Variants in SORCS2 observed in about 807,000 individuals in gnomAD.
The protein encoded by SORCS2 is sortilin related VPS10 domain containing receptor 2.
Under a neutral mutation model 141.6 loss-of-function variants are expected in SORCS2, and 100 were observed. The ratio of observed to expected loss-of-function variants is 0.71; its 90% CI spans 0.60 to 0.83. SORCS2 has a LOEUF of 0.83. Ranked by LOEUF, SORCS2 falls within the 40% of genes least tolerant of loss-of-function variation. The pLI, the probability that SORCS2 is intolerant of heterozygous loss-of-function variation, is 0.00. For synonymous variants in SORCS2, 789 were observed against 676.9 expected (o/e 1.17, Z -2.57); for missense variants, 1,646 against 1,560.2 (o/e 1.05, Z -0.93).
intron 1 of SORCS2, among the ~76,000 whole-genome samples, chr4:7,327,151 C>T (rs1719317892): frequency 6.6e-6 from 1 of 152,248 alleles, no homozygotes; most frequent in African/African-American, 2.4e-5. Context: ...CGCAACGTTC[C>T]ACCGAGCTGG....
At position 7,663,690 on chromosome 4, in the gene SORCS2, G is replaced by A. The variant is rs1045622375; in HGVS notation, c.953-663G>A. On this transcript the variant is annotated intron_variant, in intron 6 of 26. Transcript: ENST00000507866. This position sits in a 1 kb window ranked among gnomAD's most constrained non-coding sequence, Gnocchi z 4.8. Reference sequence around the variant, plus strand: ...CCTTAACCATTCTCCATGCTGCCGGGTCACCCAAGGCTGGGGGCAGGAGGA... The same window carrying A: ...CCTTAACCATTCTCCATGCTGCCGGATCACCCAAGGCTGGGGGCAGGAGGA... 3.9e-5 allele frequency among the ~76,000 whole-genome samples: 6 copies of A among 152,142 alleles called. No individual in the cohort carries two copies. Among genetic ancestry groups the A allele is most frequent in the African/African-American group, 1.4e-4 (6 of 41,430 alleles).
intron 1 of SORCS2, among the ~76,000 whole-genome samples, chr4:7,295,388 G>A (rs760288029): frequency 6.6e-6 from 1 of 151,794 alleles, no homozygotes; most frequent in Admixed American, 6.6e-5. Flanking sequence ...TCTGCCGGCC[G>A]GCCGGGTGCG....
chr4:7,626,414 G>A (rs571264362), intron 3 of SORCS2, among the ~76,000 whole-genome samples: 17 of 152,266 alleles, frequency 1.1e-4, no homozygotes, highest in Non-Finnish European at 1.5e-4. Context: ...ACTAGGCCAT[G>A]TGGTACAGAC....
intron 1 of SORCS2, among the ~76,000 whole-genome samples, chr4:7,354,249 G>A (rs1721117341): frequency 6.6e-6 from 1 of 152,170 alleles, no homozygotes; most frequent in Non-Finnish European, 1.5e-5. Flanking sequence ...TAGGAGGACA[G>A]GACACACTCA....
intron 3 of SORCS2, among the ~76,000 whole-genome samples, chr4:7,547,070 C>A (rs1208096878): frequency 6.6e-6 from 1 of 152,200 alleles, no homozygotes; most frequent in Non-Finnish European, 1.5e-5. Context: ...ACCACCCCAA[C>A]ACTGCAAATC....
intron 1 of SORCS2, among the ~76,000 whole-genome samples, chr4:7,391,753 T>A (rs1165579067): frequency 6.6e-6 from 1 of 152,124 alleles, no homozygotes; most frequent in African/African-American, 2.4e-5. Flanking sequence ...TTTCCTTATT[T>A]CTAAAATGAA....
chr4:7,207,571 G>A (rs919420508), intron 1 of SORCS2, among the ~76,000 whole-genome samples: 1 of 152,196 alleles, frequency 6.6e-6, no homozygotes, highest in African/African-American at 2.4e-5. Flanking sequence ...GGGCTGGCAG[G>A]ATCCCTCCTT....
chr4:7,660,209 C>T (rs1400686307), intron 5 of SORCS2, among the ~76,000 whole-genome samples: 2 of 152,214 alleles, frequency 1.3e-5, no homozygotes, highest in African/African-American at 4.8e-5. Flanking sequence ...TCTCCTCCTG[C>T]CCAGTTAAAG....
At chr4:7,341,844 G>T (rs1169575272) in intron 1 of SORCS2, among the ~76,000 whole-genome samples, 4 of 152,154 alleles carry the variant, frequency 2.6e-5, no homozygotes, top group South Asian at 2.1e-4. Context: ...GACCCATTAG[G>T]CACTTCCCAT....
chr4:7,656,371 C>A (rs751326301), intron 5 of SORCS2, among the ~76,000 whole-genome samples: 18 of 152,160 alleles, frequency 1.2e-4, no homozygotes, highest in Non-Finnish European at 2.5e-4. Context: ...CGCAGCCATC[C>A]TGCTTTGAAT....
intron 1 of SORCS2, among the ~76,000 whole-genome samples, chr4:7,248,245 G>T (rs1013727615): frequency 4.6e-5 from 7 of 152,218 alleles, no homozygotes; most frequent in Non-Finnish European, 1.0e-4. Context: ...CTGAGAGGCT[G>T]TGTGTGGAGG....
intron 3 of SORCS2, among the ~76,000 whole-genome samples, chr4:7,570,212 G>A (rs559164202): frequency 2.0e-5 from 3 of 152,178 alleles, no homozygotes; most frequent in African/African-American, 4.8e-5. Context: ...AACGCAGCCC[G>A]TCTGCTGTGG....
chr4:7,603,023 G>A (rs143324826), intron 3 of SORCS2, among the ~76,000 whole-genome samples: 2,623 of 152,332 alleles, frequency 0.017, 82 homozygotes, highest in African/African-American at 0.061. Context: ...GTCAGGCGTG[G>A]TGGTGTGCGC....
At chr4:7,722,426 G>C (rs540714582) in intron 18 of SORCS2, among the ~76,000 whole-genome samples, 4 of 152,120 alleles carry the variant, frequency 2.6e-5, no homozygotes, top group Admixed American at 1.3e-4. Flanking sequence ...CTCCTTCCTA[G>C]GGACCCCATA....
intron 1 of SORCS2, among the ~76,000 whole-genome samples, chr4:7,333,271 C>T (rs1719773042): frequency 6.6e-6 from 1 of 152,214 alleles, no homozygotes; most frequent in South Asian, 2.1e-4. Flanking sequence ...GCTTCCTCTG[C>T]CCCGGGGCTG....
At chr4:7,299,756 G>A (rs566158519) in intron 1 of SORCS2, among the ~76,000 whole-genome samples, 4 of 152,162 alleles carry the variant, frequency 2.6e-5, no homozygotes, top group South Asian at 4.1e-4. Flanking sequence ...CCTGGGGCCC[G>A]CTGCCTGCGG....
intron 2 of SORCS2, among the ~76,000 whole-genome samples, chr4:7,513,825 G>C (rs1357483245): frequency 6.6e-6 from 1 of 152,188 alleles, no homozygotes; most frequent in African/African-American, 2.4e-5. Context: ...GGATTCTTAA[G>C]AATTGGAGAA....
At position 7,424,416 on chromosome 4, in the gene SORCS2, G is replaced by A. The variant is rs541533777; in HGVS notation, c.548+28061G>A. On this transcript the variant is annotated intron_variant, in intron 2 of 26. Transcript: ENST00000507866. The stretch of plus-strand genomic sequence containing the variant: ...CGTGGAAACATCCCGTTGTCCCTCT[G>A]GCATCACTGCCTCTGTCCACCCAGT... Among the ~76,000 whole-genome samples the A allele has an allele frequency of 3.3e-5, 5 of 152,332 alleles. No individual in the cohort carries two copies. In the South Asian group the frequency reaches 1.0e-3, roughly 32 times the overall value.
chr4:7,373,458 T>TTATATATATATATATATATA (rs1553850461), intron 1 of SORCS2, among the ~76,000 whole-genome samples: 9 of 82,822 alleles, frequency 1.1e-4, no homozygotes, highest in Non-Finnish European at 1.4e-4. Flanking sequence ...TGAGAAACTT[T>TTATATATATATATATATATA]TATATATATA....
Sources: allele counts gnomAD v4.1 joint callset (sites outside exome capture counted in the v4.1 genomes callset), GRCh38; gene constraint gnomAD v4.1.1; non-coding constraint Gnocchi (gnomAD v3.1); transcripts MANE v1.5; gene names NCBI Gene and HGNC (gene_info 2026-07-23, HGNC 2026-07-21).